PRKCA: variants seen among roughly 807,000 people sequenced by gnomAD.
The protein encoded by PRKCA is protein kinase C alpha type.
A neutral mutation model predicts 87.0 loss-of-function variants in PRKCA; 27 were observed. That is an observed-to-expected ratio of 0.31 (90% CI 0.23 to 0.43). The LOEUF (loss-of-function observed/expected upper bound fraction) is 0.43, where lower values mean the gene tolerates loss of function less well. Among genes scored for constraint, PRKCA ranks in the 20% least tolerant of loss-of-function variants. The pLI is 1.00. For missense variants in PRKCA, 518 were observed against 852.3 expected, an observed-to-expected ratio of 0.61 and a Z score of 4.88; for synonymous variants, 329 against 311.1, an observed-to-expected ratio of 1.06 and a Z score of -0.61.
At chr17:66,658,363 C>A (rs1971794565) in intron 5 of PRKCA, among the ~76,000 whole-genome samples, 1 of 152,072 alleles carries the variant, frequency 6.6e-6, no homozygotes, top group Non-Finnish European at 1.5e-5. Context: ...CACCTGTAAT[C>A]CCAGCTACTT....
At chr17:66,421,610 G>T (rs941650882) in intron 2 of PRKCA, among the ~76,000 whole-genome samples, 2 of 151,606 alleles carry the variant, frequency 1.3e-5, no homozygotes, top group Non-Finnish European at 1.5e-5. Flanking sequence ...TCAGCTCACT[G>T]CAGCCTCCAT....
At chr17:66,380,602 G>A (rs1032491645) in intron 2 of PRKCA, among the ~76,000 whole-genome samples, 1 of 151,984 alleles carries the variant, frequency 6.6e-6, no homozygotes, top group Non-Finnish European at 1.5e-5. Flanking sequence ...TTGAATTATT[G>A]TATAAATATA....
chr17:66,768,806 A>G (rs1312139465), intron 13 of PRKCA, among the ~76,000 whole-genome samples: 2 of 152,200 alleles, frequency 1.3e-5, no homozygotes, highest in African/African-American at 4.8e-5. Context: ...GGGGATTGCA[A>G]TTTGAGATGA....
intron 3 of PRKCA, among the ~76,000 whole-genome samples, chr17:66,532,567 C>A (rs1403253452): frequency 1.3e-5 from 2 of 151,860 alleles, no homozygotes; most frequent in Non-Finnish European, 2.9e-5. Flanking sequence ...AGTTCATAGC[C>A]AGGCTGGTCT....
intron 14 of PRKCA, 66 bp downstream of exon 14, chr17:66,774,133 G>A (rs765110729): frequency 6.2e-7 from 1 of 1,611,698 alleles, no homozygotes; most frequent in Non-Finnish European, 8.5e-7. Flanking sequence ...AGCTCTGGTT[G>A]GGCCTCGAGA....
At chr17:66,438,884 A>G (rs559256692) in intron 2 of PRKCA, among the ~76,000 whole-genome samples, 46 of 152,266 alleles carry the variant, frequency 3.0e-4, no homozygotes, top group African/African-American at 1.1e-3. Flanking sequence ...ATCTCTGCCT[A>G]GTCCCTCCTA....
At chr17:66,793,829 C>T (rs116552427) in intron 16 of PRKCA, among the ~76,000 whole-genome samples, 1,849 of 152,242 alleles carry the variant, frequency 0.012, 33 homozygotes, top group African/African-American at 0.041. Flanking sequence ...AAAGCACTTT[C>T]GGCTTTGCCA....
Position 66,627,695 on chromosome 17 carries a change from A to G in PRKCA, c.289-13660A>G, listed in dbSNP as rs114896203. ...CTAAAACTAAGTGCCAAAGAGGCCA[A>G]TAGCAGTCTAGAACTACGTGTGAGT... On this transcript the variant is annotated intron_variant, in intron 3 of 16. Coordinates refer to ENST00000413366, the MANE Select transcript of PRKCA (RefSeq NM_002737.3). Among the ~76,000 whole-genome samples, 154 of 152,354 alleles carry G rather than the reference A, an allele frequency of 1.0e-3. 1 individual carries two copies. The highest frequency in any genetic ancestry group is 3.5e-3 in the African/African-American group (146 of 41,582).
chr17:66,715,099 AT>A (rs1370766807), intron 8 of PRKCA, among the ~76,000 whole-genome samples: 5 of 149,584 alleles, frequency 3.3e-5, no homozygotes, highest in Non-Finnish European at 5.9e-5. Flanking sequence ...TGTATCCAGC[AT>A]TTCGGGGATA....
intron 2 of PRKCA, among the ~76,000 whole-genome samples, chr17:66,487,940 T>G (rs1916056380): frequency 6.6e-6 from 1 of 152,226 alleles, no homozygotes; most frequent in African/African-American, 2.4e-5. Context: ...CAGAAGCTTC[T>G]TAGCTTGATA....
At chr17:66,346,782 A>G (rs1402147848) in intron 2 of PRKCA, among the ~76,000 whole-genome samples, 1 of 152,096 alleles carries the variant, frequency 6.6e-6, no homozygotes, top group East Asian at 1.9e-4. Context: ...TAATCCCAGC[A>G]CTTTGGGAGG....
chr17:66,528,084 C>A (rs1488665429), intron 3 of PRKCA, among the ~76,000 whole-genome samples: 1 of 151,810 alleles, frequency 6.6e-6, no homozygotes, highest in Non-Finnish European at 1.5e-5. Flanking sequence ...CTACTGTAAG[C>A]CCAGGCATCT....
At chr17:66,771,394 T>C (rs1227038418) in intron 13 of PRKCA, among the ~76,000 whole-genome samples, 6 of 152,212 alleles carry the variant, frequency 3.9e-5, no homozygotes, top group Non-Finnish European at 7.3e-5. Context: ...TTTGCAGAAA[T>C]AGTCAAAGGT....
At chr17:66,670,959 C>A (rs1040686978) in intron 5 of PRKCA, among the ~76,000 whole-genome samples, 1 of 151,926 alleles carries the variant, frequency 6.6e-6, no homozygotes, top group East Asian at 1.9e-4. Flanking sequence ...TGCCTGTAAT[C>A]CCAGCACTTT....
At chr17:66,528,035 G>T (rs1337304699) in intron 3 of PRKCA, among the ~76,000 whole-genome samples, 1 of 151,902 alleles carries the variant, frequency 6.6e-6, no homozygotes, top group African/African-American at 2.4e-5. Context: ...GTGAGACCCC[G>T]TCTCTACTAA....
Position 66,742,880 on chromosome 17 carries a change from G to A in PRKCA, c.1524+120G>A, listed in dbSNP as rs1001445314. The stretch of plus-strand genomic sequence containing the variant: ...CAGTGCATGGTCACAGCCACTAAAT[G>A]GACTAAACTGGACAAAACAGACTAA... On this transcript the variant is annotated intron_variant, in intron 13 of 16. Transcript: ENST00000413366. 4 of 1,063,286 alleles carry A rather than the reference G, an allele frequency of 3.8e-6. No individual in the cohort carries two copies. The South Asian group carries it at 6.7e-5, about 18-fold the overall frequency. 65.9% of individuals were successfully genotyped at this position (1,063,286 alleles called of 1,614,324 possible). A position where few individuals can be genotyped will look rare whatever the true frequency, so the allele number is the denominator to read the frequency against.
At chr17:66,437,898 A>G (rs1460981082) in intron 2 of PRKCA, among the ~76,000 whole-genome samples, 1 of 151,798 alleles carries the variant, frequency 6.6e-6, no homozygotes, top group Non-Finnish European at 1.5e-5. Context: ...GTCTATAAAT[A>G]CCTTTTAACA....
At chr17:66,337,931 C>T (rs1906801220) in intron 2 of PRKCA, among the ~76,000 whole-genome samples, 1 of 151,664 alleles carries the variant, frequency 6.6e-6, no homozygotes, top group South Asian at 2.1e-4. Context: ...AAAAAAAAAA[C>T]TTTTATTGCT....
intron 2 of PRKCA, among the ~76,000 whole-genome samples, chr17:66,447,947 C>T (rs1250625323): frequency 6.6e-5 from 10 of 152,056 alleles, no homozygotes; most frequent in South Asian, 4.1e-4. Context: ...CCCTTTTTGT[C>T]GTGTAGTTAT....
Sources: allele counts gnomAD v4.1 joint callset (sites outside exome capture counted in the v4.1 genomes callset), GRCh38; gene constraint gnomAD v4.1.1; transcripts MANE v1.5; gene names NCBI Gene and HGNC (gene_info 2026-07-23, HGNC 2026-07-21).